DNAH14: variants seen among roughly 807,000 people sequenced by gnomAD.
DNAH14 encodes the protein dynein axonemal heavy chain 14.
DNAH14 carries 478 observed loss-of-function variants against 520.9 expected under a neutral mutation model. The ratio of observed to expected loss-of-function variants is 0.92; its 90% CI spans 0.85 to 0.99. The LOEUF is 0.99. Among genes scored for constraint, DNAH14 ranks in the 50% least tolerant of loss-of-function variants. The pLI is 0.00. For missense variants in DNAH14, 4,831 were observed against 5,234.5 expected (o/e 0.92, Z 2.38); for synonymous variants, 1,581 against 1,757.2 (o/e 0.90, Z 2.51).
chr1:225,391,036 T>C (rs2095903839), intron 83 of DNAH14, among the ~76,000 whole-genome samples: 1 of 152,202 alleles, frequency 6.6e-6, no homozygotes, highest in Non-Finnish European at 1.5e-5. Flanking sequence ...GGGGACAGCA[T>C]TCTTACTAGA....
intron 9 of DNAH14, among the ~76,000 whole-genome samples, chr1:225,005,722 T>A (rs964304198): frequency 6.6e-6 from 1 of 152,058 alleles, no homozygotes; most frequent in Non-Finnish European, 1.5e-5. Flanking sequence ...GATAAACATA[T>A]CTGTATATTT....
At chr1:225,168,293 A>G (rs2082231074) in intron 36 of DNAH14, among the ~76,000 whole-genome samples, 1 of 152,176 alleles carries the variant, frequency 6.6e-6, no homozygotes, top group Admixed American at 6.5e-5. Flanking sequence ...GGTTCATCGC[A>G]CTGGGGATTG....
At chr1:225,296,052 G>A (rs1490907842) in intron 55 of DNAH14, among the ~76,000 whole-genome samples, 3 of 151,726 alleles carry the variant, frequency 2.0e-5, no homozygotes, top group Non-Finnish European at 4.4e-5. Context: ...TATAAATATA[G>A]CTACTCCTGC....
chr1:225,008,204 T>C (rs956665675), intron 10 of DNAH14, among the ~76,000 whole-genome samples: 1 of 152,164 alleles, frequency 6.6e-6, no homozygotes, highest in Non-Finnish European at 1.5e-5. Context: ...GTTAGTTTGC[T>C]GAGAATGATG....
At chr1:225,135,262 G>T (rs1183212926) in intron 27 of DNAH14, among the ~76,000 whole-genome samples, 2 of 151,836 alleles carry the variant, frequency 1.3e-5, no homozygotes, top group Non-Finnish European at 2.9e-5. Context: ...TTAACTTGAG[G>T]TCTCTCTAGC....
At chr1:225,238,566 G>A (rs1336744124) in intron 42 of DNAH14, among the ~76,000 whole-genome samples, 2 of 152,182 alleles carry the variant, frequency 1.3e-5, no homozygotes, top group African/African-American at 2.4e-5. Flanking sequence ...GGAGACGCCT[G>A]TTGGGAGGTC....
At position 225,346,060 on chromosome 1, in the gene DNAH14, G is replaced by A. The variant is rs2095281668; in HGVS notation, c.10777G>A (p.Glu3593Lys). Reference protein sequence around the residue: ...SKRIEATKKAESEIQAIRKNY... With the variant: ...SKRIEATKKAKSEIQAIRKNY... The stretch of plus-strand genomic sequence containing the variant: ...GCGCATCGAAGCAACAAAAAAAGCT[G>A]AAAGTGAAATCCAAGCAATACGTAA... The change falls in exon 70 of 86, where the codon GAA becomes AAA. Residue 3593 changes from glutamate (E) to lysine (K), a missense_variant. Physicochemically the swap from Glu to Lys is moderately conservative, Grantham distance 56. Transcript: ENST00000682510. 1 of 1,551,632 alleles carries A rather than the reference G, an allele frequency of 6.4e-7. No individual in the cohort carries two copies. The highest frequency in any genetic ancestry group is 2.4e-5 in the East Asian group (1 of 40,912).
chr1:225,100,644 C>A, intron 22 of DNAH14, 69 bp from the exon 23 acceptor site: 1 of 1,156,388 alleles, frequency 8.6e-7, no homozygotes, highest in Non-Finnish European at 1.2e-6. Flanking sequence ...CGTGGCAATG[C>A]ATTACATTAT....
At chr1:225,169,128 C>T (rs935754777) in intron 36 of DNAH14, among the ~76,000 whole-genome samples, 2 of 152,176 alleles carry the variant, frequency 1.3e-5, no homozygotes, top group Non-Finnish European at 2.9e-5. Context: ...AGGACATCCA[C>T]ACCAAAACTC....
At chr1:225,123,405 T>C in intron 26 of DNAH14, 122 bp from the exon 27 acceptor site, 2 of 211,810 alleles carry the variant, frequency 9.4e-6, no homozygotes, top group South Asian at 1.5e-4. Context: ...ATTTCTACGT[T>C]AGAACAAAGA....
At chr1:225,206,930 T>G in intron 40 of DNAH14, 38 bp from the exon 41 acceptor site, 1 of 1,393,560 alleles carries the variant, frequency 7.2e-7, no homozygotes, top group Non-Finnish European at 9.4e-7. Context: ...ATATTTTTAT[T>G]TATTTACATA....
At chr1:224,959,371 G>A (rs187884004) in intron 3 of DNAH14, among the ~76,000 whole-genome samples, 1 of 151,946 alleles carries the variant, frequency 6.6e-6, no homozygotes, top group Admixed American at 6.6e-5. Flanking sequence ...TATACAAGTG[G>A]GAAATTATCT....
chr1:225,272,616 A>T (rs2093344136), intron 51 of DNAH14, among the ~76,000 whole-genome samples: 1 of 152,184 alleles, frequency 6.6e-6, no homozygotes, highest in Admixed American at 6.5e-5. Context: ...ATGTTAAAAC[A>T]TATAAACATT....
chr1:225,252,611 C>T (rs1465447877), intron 44 of DNAH14, among the ~76,000 whole-genome samples, 194 bp downstream of exon 44: 1 of 151,994 alleles, frequency 6.6e-6, no homozygotes, highest in African/African-American at 2.4e-5. Context: ...TTGAATATTA[C>T]TTTCTGAGAA....
At chr1:225,133,374 C>G (rs1051732722) in intron 27 of DNAH14, among the ~76,000 whole-genome samples, 4 of 151,950 alleles carry the variant, frequency 2.6e-5, no homozygotes, top group African/African-American at 9.7e-5. Flanking sequence ...TAGATTTAAG[C>G]CTTTATTCCA....
chr1:225,353,766 C>T, intron 72 of DNAH14, 37 bp from the exon 73 acceptor site: 1 of 1,038,760 alleles, frequency 9.6e-7, no homozygotes, highest in Admixed American at 2.6e-5. Flanking sequence ...AAGTATTTGA[C>T]TGTTAATGCC....
chr1:225,108,696 T>A (rs2076274687), intron 23 of DNAH14, among the ~76,000 whole-genome samples: 2 of 152,198 alleles, frequency 1.3e-5, no homozygotes, highest in South Asian at 4.1e-4. Flanking sequence ...ATTCCTTTGT[T>A]GTGCAAAAGC....
chr1:225,301,118 T>A, intron 56 of DNAH14, 88 bp downstream of exon 56: 1 of 1,360,890 alleles, frequency 7.3e-7, no homozygotes, highest in Non-Finnish European at 9.8e-7. Context: ...AAGTTGGATA[T>A]AATTTCTTTA....
chr1:225,241,131 G>C (rs774527725), intron 43 of DNAH14, among the ~76,000 whole-genome samples: 131 of 152,166 alleles, frequency 8.6e-4, no homozygotes, highest in Non-Finnish European at 1.6e-3. Flanking sequence ...TCGCCATGTA[G>C]CAAGAAGTTC....
Sources: gnomAD v4.1 joint callset for allele counts (sites outside exome capture counted in the v4.1 genomes callset) on GRCh38, gnomAD v4.1.1 for gene constraint, MANE v1.5 for transcripts, NCBI Gene and HGNC (gene_info 2026-07-23, HGNC 2026-07-21) for gene names.